Variants in PRKCA observed in about 807,000 individuals in gnomAD.
The protein encoded by PRKCA is protein kinase C alpha type.
Under a neutral mutation model 87.0 loss-of-function variants are expected in PRKCA, and 27 were observed. The ratio of observed to expected loss-of-function variants is 0.31; its 90% CI spans 0.23 to 0.43. The LOEUF is 0.43. PRKCA is among the 20% of genes least tolerant of loss of function. The pLI is 1.00. For synonymous variants in PRKCA, 329 were observed against 311.1 expected, an observed-to-expected ratio of 1.06 and a Z score of -0.61; for missense variants, 518 against 852.3, an observed-to-expected ratio of 0.61 and a Z score of 4.88.
chr17:66,333,792 A>C (rs753928681), intron 2 of PRKCA, among the ~76,000 whole-genome samples: 6 of 152,034 alleles, frequency 3.9e-5, no homozygotes, highest in Non-Finnish European at 8.8e-5. Context: ...CTTTCTTCCT[A>C]CTGGAGGGTA....
At chr17:66,721,407 A>G (rs1235396942) in intron 8 of PRKCA, among the ~76,000 whole-genome samples, 1 of 151,952 alleles carries the variant, frequency 6.6e-6, no homozygotes, top group Non-Finnish European at 1.5e-5. Flanking sequence ...AAAAAAAAAA[A>G]AAAAAAGAAT....
At chr17:66,565,043 A>G (rs1221189235) in intron 3 of PRKCA, among the ~76,000 whole-genome samples, 1 of 152,172 alleles carries the variant, frequency 6.6e-6, no homozygotes, top group Admixed American at 6.5e-5. Context: ...CAGGAAAGAC[A>G]AAGGAGGCTT....
At chr17:66,578,480 C>T (rs1045475220) in intron 3 of PRKCA, among the ~76,000 whole-genome samples, 13 of 152,198 alleles carry the variant, frequency 8.5e-5, no homozygotes, top group African/African-American at 2.4e-4. Context: ...ACCTTCTAGA[C>T]GAGGTGGTCT....
At chr17:66,332,651 TTTTCTATGA>T (rs1411199798) in intron 2 of PRKCA, among the ~76,000 whole-genome samples, 1 of 152,088 alleles carries the variant, frequency 6.6e-6, no homozygotes, top group African/African-American at 2.4e-5. Flanking sequence ...CATTCTACCA[TTTTCTATGA>T]AGTCTAAAAT....
intron 3 of PRKCA, among the ~76,000 whole-genome samples, chr17:66,575,876 G>A (rs1253129969): frequency 2.6e-5 from 4 of 152,158 alleles, no homozygotes; most frequent in Non-Finnish European, 5.9e-5. Flanking sequence ...AGCACTTTGG[G>A]AGGCCAAGGT....
Position 66,470,211 on chromosome 17 carries a change from TTA to T in PRKCA, c.206-25989_206-25988del, listed in dbSNP as rs1192096991. 6.2e-3 allele frequency among the ~76,000 whole-genome samples: 592 copies of T among 95,486 alleles called. 4 individuals are homozygous for T. Among genetic ancestry groups the T allele is most frequent in the African/African-American group, 0.03 (534 of 17,612 alleles). The allele number at this position is 95,486 out of a possible 152,430, so 62.6% of individuals were successfully genotyped here. ...TTTGCTTTTTTTTTTTTTTTTTTTT[TTA>T]AAAGACAGAGTTTTGCTCTTTGGCC... On this transcript the variant is annotated intron_variant, in intron 2 of 16. Coordinates refer to ENST00000413366, the MANE Select transcript of PRKCA (RefSeq NM_002737.3).
intron 13 of PRKCA, among the ~76,000 whole-genome samples, chr17:66,752,985 TAG>T (rs1295029055): frequency 5.9e-5 from 9 of 152,228 alleles, no homozygotes; most frequent in Admixed American, 5.9e-4. Context: ...TGCCAGGGAC[TAG>T]ATAAAAAATA....
chr17:66,737,033 G>A (rs535729951), intron 10 of PRKCA, among the ~76,000 whole-genome samples: 55 of 152,244 alleles, frequency 3.6e-4, no homozygotes, highest in South Asian at 2.3e-3. Flanking sequence ...TAATCAGTCC[G>A]TTGCAGGGCT....
chr17:66,534,645 T>A (rs1028763274), intron 3 of PRKCA, among the ~76,000 whole-genome samples: 1 of 152,162 alleles, frequency 6.6e-6, no homozygotes, highest in South Asian at 2.1e-4. Flanking sequence ...CCAGCCTGGG[T>A]GACAGAGCAA....
At chr17:66,574,664 T>G (rs1187632793) in intron 3 of PRKCA, among the ~76,000 whole-genome samples, 1 of 151,922 alleles carries the variant, frequency 6.6e-6, no homozygotes, top group African/African-American at 2.4e-5. Flanking sequence ...CACTGGAGCA[T>G]TTCGGATTTT....
rs906085377 is a variant in PRKCA at position 66,690,989 on chromosome 17, G to A, written c.918+1942G>A. Among the ~76,000 whole-genome samples the A allele has an allele frequency of 5.3e-5, 8 of 151,976 alleles. No homozygotes were observed. The South Asian group carries it at 1.0e-3, about 20-fold the overall frequency. On this transcript the variant is annotated intron_variant, in intron 8 of 16. Coordinates refer to ENST00000413366, the MANE Select transcript of PRKCA (RefSeq NM_002737.3). ...CGAAACCCAGCCTCTACAAAAAATA[G>A]CAGGGTGTGGTGGCATGCACCCATA...
At chr17:66,789,109 G>A in intron 16 of PRKCA, 130 bp downstream of exon 16, 4 of 1,169,200 alleles carry the variant, frequency 3.4e-6, no homozygotes, top group Non-Finnish European at 2.4e-6. Context: ...AACGGGCCAG[G>A]TTTCAGCCTT....
intron 8 of PRKCA, among the ~76,000 whole-genome samples, chr17:66,713,671 G>A (rs1456628195): frequency 6.6e-6 from 1 of 152,208 alleles, no homozygotes; most frequent in Non-Finnish European, 1.5e-5. Flanking sequence ...CCCAGGCAGT[G>A]ATAATAGCGT....
intron 3 of PRKCA, among the ~76,000 whole-genome samples, chr17:66,517,296 T>A (rs1016449131): frequency 1.3e-5 from 2 of 152,020 alleles, no homozygotes; most frequent in African/African-American, 4.8e-5. Context: ...AAATAAAAAA[T>A]TTTCAGAATT....
intron 11 of PRKCA, among the ~76,000 whole-genome samples, chr17:66,740,508 G>T (rs987332359): frequency 1.3e-5 from 2 of 152,116 alleles, no homozygotes; most frequent in Admixed American, 6.5e-5. Flanking sequence ...GCCTGCGAGG[G>T]ATTATGCACC....
chr17:66,777,644 A>G lies in PRKCA; in HGVS notation c.1605+3577A>G, dbSNP rs536383663. On this transcript the variant is annotated intron_variant, in intron 14 of 16. Transcript: ENST00000413366. ...GAGTCCTGCTTTTCATGAAGTCACA[A>G]AAAGCCAAGTCCCCCTCTTGATCCC... 10 of 985,338 alleles carry G rather than the reference A, an allele frequency of 1.0e-5. No individual in the cohort carries two copies. The Admixed American group carries it at 3.1e-4, about 30-fold the overall frequency. 61.0% of individuals were successfully genotyped at this position (985,338 alleles called of 1,614,324 possible). A position where few individuals can be genotyped will look rare whatever the true frequency, so the allele number is the denominator to read the frequency against.
At chr17:66,731,953 C>T (rs751487990) in intron 8 of PRKCA, among the ~76,000 whole-genome samples, 1 of 151,294 alleles carries the variant, frequency 6.6e-6, no homozygotes, top group East Asian at 1.9e-4. Context: ...CCATGCCCAG[C>T]TGATTTTTGT....
intron 5 of PRKCA, among the ~76,000 whole-genome samples, chr17:66,650,901 G>A (rs961336313): frequency 6.6e-6 from 1 of 152,132 alleles, no homozygotes; most frequent in African/African-American, 2.4e-5. Context: ...ATTATTGAGC[G>A]TGTGTCCTGC....
chr17:66,715,268 G>GT (rs1973445692), intron 8 of PRKCA, among the ~76,000 whole-genome samples: 1 of 151,922 alleles, frequency 6.6e-6, no homozygotes, highest in Admixed American at 6.6e-5. Flanking sequence ...GCTTGGGTGC[G>GT]TTTTTTGTTA....
Sources: gnomAD v4.1 joint callset for allele counts (sites outside exome capture counted in the v4.1 genomes callset) on GRCh38, gnomAD v4.1.1 for gene constraint, MANE v1.5 for transcripts, NCBI Gene and HGNC (gene_info 2026-07-23, HGNC 2026-07-21) for gene names.